Variants in RNF123 observed in about 807,000 individuals in gnomAD.
RNF123 encodes the protein E3 ubiquitin-protein ligase RNF123.
A neutral mutation model predicts 168.5 loss-of-function variants in RNF123; 86 were observed. The observed-to-expected ratio is 0.51, with a 90% CI of 0.43 to 0.61. The LOEUF (loss-of-function observed/expected upper bound fraction) is 0.61, where lower values mean the gene tolerates loss of function less well. Among genes scored for constraint, RNF123 ranks in the 20% least tolerant of loss-of-function variants. The probability of loss-of-function intolerance (pLI) is 0.00; values close to 1 mark genes in which losing one functional copy is unlikely to be tolerated. For synonymous variants in RNF123, 666 were observed against 689.1 expected, an observed-to-expected ratio of 0.97 and a Z score of 0.52; for missense variants, 1,419 against 1,729.7, an observed-to-expected ratio of 0.82 and a Z score of 3.19.
Position 49,699,357 on chromosome 3 carries a change from T to C in RNF123, c.765-111T>C. ...GGGAGAATAAGTGGGCAAGTTGTGA[T>C]GCAAACCAGCCCTGCCCTAGAGCCC... On this transcript the variant is annotated intron_variant, in intron 10 of 38. Coordinates refer to ENST00000327697, the MANE Select transcript of RNF123 (RefSeq NM_022064.5). This position sits in a 1 kb window ranked among gnomAD's most constrained non-coding sequence, Gnocchi z 4.8. The C allele has an allele frequency of 9.4e-7, 1 of 1,058,230 alleles. No individual in the cohort carries two copies. The highest frequency in any genetic ancestry group is 1.4e-6 in the Non-Finnish European group (1 of 722,638). The allele number at this position is 1,058,230 out of a possible 1,614,324, so 65.6% of individuals were successfully genotyped here.
At position 49,721,033 on chromosome 3, in the gene RNF123, A is replaced by T; in HGVS notation, c.3752A>T (p.Glu1251Val). 1 of 1,612,474 alleles carries T rather than the reference A, an allele frequency of 6.2e-7. No homozygotes were observed. The highest frequency in any genetic ancestry group is 8.5e-7 in the Non-Finnish European group (1 of 1,178,918). ...TCCTCCCTGCAGCCCACCAGTGAGG[A>T]GGACCTCTGCCCCATCTGCTATGCC... is the stretch of plus-strand genomic sequence containing the variant. ...AAAASLPTSE[E>V]DLCPICYAHP... The change falls in exon 38 of 39, where the codon GAG becomes GTG. Residue 1251 changes from glutamate to valine, a missense_variant. Glu to Val is a moderately radical substitution (Grantham distance 121). Transcript: ENST00000327697.
intron 31 of RNF123, among the ~76,000 whole-genome samples, chr3:49,715,086 A>G (rs548865094): frequency 2.0e-5 from 3 of 152,366 alleles, no homozygotes; most frequent in African/African-American, 7.2e-5. Flanking sequence ...GCTGCCTGCC[A>G]GCCCAGACTT....
Position 49,712,488 on chromosome 3 carries a change from C to A in RNF123, c.2506C>A (p.Leu836Met). The stretch of plus-strand genomic sequence containing the variant: ...CGTGTGCCTCCTGCAGGAGAAGATG[C>A]TGGACATCTACTGGCTGCTGCGCGT... The part of the protein sequence containing the change: ...HATVYSQEKM[L>M]DIYWLLRVCL... Residue 836 changes from leucine (L) to methionine (M), a missense_variant, in exon 27 of 39, where the codon CTG becomes ATG. Physicochemically the swap from Leu to Met is conservative, Grantham distance 15 (BLOSUM62 2). Transcript: ENST00000327697. The A allele has an allele frequency of 6.2e-7, 1 of 1,614,066 alleles. No homozygotes were observed. The highest frequency in any genetic ancestry group is 8.5e-7 in the Non-Finnish European group (1 of 1,180,028).
Position 49,716,010 on chromosome 3 carries a change from GGT to G in RNF123, c.3339+4_3339+5del. ...AGATGCTGCTGCGGCGTCTTGCACAGGTGTGGCCATCTGGGCAACAAGGGTGG... is the reference window on the plus strand; with the variant it reads ...AGATGCTGCTGCGGCGTCTTGCACAGGTGGCCATCTGGGCAACAAGGGTGG... On this transcript the variant is annotated splice_donor_variant, in intron 33 of 38. Coordinates refer to ENST00000327697, the MANE Select transcript of RNF123 (RefSeq NM_022064.5). LOFTEE classifies it high-confidence loss of function. 1 of 1,613,952 alleles carries G rather than the reference GGT, an allele frequency of 6.2e-7. No homozygotes were observed. The highest frequency in any genetic ancestry group is 1.1e-5 in the South Asian group (1 of 91,092).
chr3:49,698,352 G>A (rs891949857), intron 7 of RNF123, 88 bp from the exon 8 acceptor site: 2 of 1,129,842 alleles, frequency 1.8e-6, no homozygotes, highest in Non-Finnish European at 1.3e-6. Context: ...CTTCTGTAGA[G>A]CCATATGCAT....
In RNF123 at chr3:49,702,676, T is replaced by TA; in HGVS notation, c.1674dup (p.His559ThrfsTer13). ...CCCCCTGAGTACATGGTCTGCTTCT[T>TA]ACACCGGCTGATCTCTGCCCTGCGC... On this transcript the variant is annotated frameshift_variant, in exon 20 of 39. Coordinates refer to ENST00000327697, the MANE Select transcript of RNF123 (RefSeq NM_022064.5). LOFTEE classifies it high-confidence loss of function. 1 of 1,614,248 alleles carries TA rather than the reference T, an allele frequency of 6.2e-7. No homozygotes were observed. The highest frequency in any genetic ancestry group is 8.5e-7 in the Non-Finnish European group (1 of 1,180,034).
intron 27 of RNF123, chr3:49,712,879 C>G: frequency 1.4e-6 from 1 of 705,550 alleles, no homozygotes; most frequent in Non-Finnish European, 2.6e-6. Flanking sequence ...GGAAAACAGA[C>G]AAGATGGAAC....
intron 3 of RNF123, among the ~76,000 whole-genome samples, chr3:49,695,060 C>G (rs574979912): frequency 6.6e-5 from 10 of 152,330 alleles, no homozygotes; most frequent in Admixed American, 2.0e-4. Context: ...GCAGTCTGCT[C>G]TCAGGATCAG....
chr3:49,716,715 T>G (rs1575541089), intron 35 of RNF123: 1 of 494,268 alleles, frequency 2.0e-6, no homozygotes, highest in Non-Finnish European at 3.7e-6. Flanking sequence ...ACAGAGCCAC[T>G]GGCTTGTGGC....
intron 26 of RNF123, among the ~76,000 whole-genome samples, chr3:49,707,457 A>G (rs11716575): frequency 0.52 from 79,295 of 151,972 alleles, 21,597 homozygotes; most frequent in East Asian, 0.82. Flanking sequence ...GGTCAGATAC[A>G]TGGATGGACA....
chr3:49,700,595 C>G lies in RNF123; in HGVS notation c.1203+31C>G, dbSNP rs906750512. ...AGCCCCTACCCCTGCCCTGAGCCCC[C>G]TGGGACTCGCCTGTCCACTCTGAAC... is the stretch of plus-strand genomic sequence containing the variant. On this transcript the variant is annotated intron_variant, in intron 14 of 38. Transcript: ENST00000327697. 3 of 1,614,000 alleles carry G rather than the reference C, an allele frequency of 1.9e-6. No homozygotes were observed. In the African/African-American group the frequency reaches 4.0e-5, roughly 22 times the overall value.
rs778243828 is a variant in RNF123 at position 49,714,077 on chromosome 3, C to T, written c.2926-13C>T. 4.3e-6 allele frequency: 7 copies of T among 1,613,924 alleles called. No individual in the cohort carries two copies. Among genetic ancestry groups the T allele is most frequent in the East Asian group, 2.2e-5 (1 of 44,902 alleles). On this transcript the variant is annotated splice_polypyrimidine_tract_variant and intron_variant, in intron 30 of 38. Coordinates refer to ENST00000327697, the MANE Select transcript of RNF123 (RefSeq NM_022064.5). ...TGTCCCATTGACCTGGGCACTGACC[C>T]CCACCTCCACAGGGCTGTGGCTTCG...
chr3:49,699,375 TAG>T lies in RNF123; in HGVS notation c.765-90_765-89del. ...GTTGTGATGCAAACCAGCCCTGCCCTAGAGCCCAGGCCCCGGGGTGGGGGGTG... is the reference window on the plus strand; with the variant it reads ...GTTGTGATGCAAACCAGCCCTGCCCTAGCCCAGGCCCCGGGGTGGGGGGTG... On this transcript the variant is annotated intron_variant, in intron 10 of 38. Transcript: ENST00000327697. The surrounding 1 kb of genome is among the most constrained non-coding windows in gnomAD (Gnocchi z 4.8). 8.5e-7 allele frequency: 1 copy of T among 1,176,770 alleles called. No homozygotes were observed. Among genetic ancestry groups the T allele is most frequent in the Non-Finnish European group, 1.2e-6 (1 of 819,938 alleles). 72.9% of individuals were successfully genotyped at this position (1,176,770 alleles called of 1,614,324 possible). A position where few individuals can be genotyped will look rare whatever the true frequency, so the allele number is the denominator to read the frequency against.
chr3:49,698,287 C>A, intron 7 of RNF123, 150 bp downstream of exon 7: 1 of 920,818 alleles, frequency 1.1e-6, no homozygotes, highest in Non-Finnish European at 1.7e-6. Flanking sequence ...CACCCAATCC[C>A]AGGCACCCCA....
intron 35 of RNF123, chr3:49,718,143 T>C: frequency 6.2e-7 from 1 of 1,613,246 alleles, no homozygotes; most frequent in Non-Finnish European, 8.5e-7. Context: ...TGGGTGCGTC[T>C]GGCGGTGTGG....
chr3:49,691,665 G>T (rs1465945039), intron 3 of RNF123, among the ~76,000 whole-genome samples, 156 bp downstream of exon 3: 3 of 152,226 alleles, frequency 2.0e-5, no homozygotes, highest in African/African-American at 7.2e-5. Flanking sequence ...CAGAGAGTCT[G>T]CCTTCCGTAC....
chr3:49,698,720 T>C, intron 8 of RNF123, 35 bp from the exon 9 acceptor site: 1 of 1,607,936 alleles, frequency 6.2e-7, no homozygotes, highest in Non-Finnish European at 8.5e-7. Flanking sequence ...GCTGCTGGGC[T>C]TCTGTGCATC....
chr3:49,719,762 G>A (rs1358162620), intron 35 of RNF123: 1 of 353,056 alleles, frequency 2.8e-6, no homozygotes, highest in East Asian at 5.1e-5. Flanking sequence ...CGTTTGAGGA[G>A]GCGGGGCGGC....
Position 49,721,483 on chromosome 3 carries a change from G to C in RNF123, c.*178G>C, listed in dbSNP as rs1157644905. ...CATGGCCCTAATTGTGCCTGAGCTT[G>C]ACTTTCAGTCAGGGCCACAGTGAGC... On this transcript the variant is annotated 3_prime_UTR_variant, in exon 39 of 39. Transcript: ENST00000327697. 2 of 934,548 alleles carry C rather than the reference G, an allele frequency of 2.1e-6. No individual in the cohort carries two copies. Among genetic ancestry groups the C allele is most frequent in the Non-Finnish European group, 3.5e-6 (2 of 572,654 alleles). The allele number at this position is 934,548 out of a possible 1,614,324, so 57.9% of individuals were successfully genotyped here.
Sources: allele counts gnomAD v4.1 joint callset (sites outside exome capture counted in the v4.1 genomes callset), GRCh38; gene constraint gnomAD v4.1.1; non-coding constraint Gnocchi (gnomAD v3.1); transcripts MANE v1.5; gene names NCBI Gene and HGNC (gene_info 2026-07-23, HGNC 2026-07-21).